The following ERICH6B variants were observed in gnomAD, a reference collection of about 807,000 sequenced individuals.
ERICH6B encodes the protein glutamate-rich protein 6B.
A neutral mutation model predicts 80.0 loss-of-function variants in ERICH6B; 69 were observed. The ratio of observed to expected loss-of-function variants is 0.86; its 90% CI spans 0.71 to 1.05. The LOEUF (loss-of-function observed/expected upper bound fraction) is 1.05, where lower values mean the gene tolerates loss of function less well. Among genes scored for constraint, ERICH6B ranks in the 50% least tolerant of loss-of-function variants. The probability of loss-of-function intolerance (pLI) is 0.00; values close to 1 mark genes in which losing one functional copy is unlikely to be tolerated. For synonymous variants in ERICH6B, 283 were observed against 291.9 expected (o/e 0.97, Z 0.31); for missense variants, 754 against 796.1 (o/e 0.95, Z 0.64).
At chr13:45,562,327 C>T (rs1446221729) in intron 10 of ERICH6B, among the ~76,000 whole-genome samples, 1 of 152,214 alleles carries the variant, frequency 6.6e-6, no homozygotes, top group East Asian at 1.9e-4. Context: ...CATGAGGCAC[C>T]ACACCTGGCT....
intron 9 of ERICH6B, among the ~76,000 whole-genome samples, chr13:45,567,916 C>G (rs536005660): frequency 4.6e-5 from 7 of 152,322 alleles, no homozygotes; most frequent in African/African-American, 1.7e-4. Context: ...TGGGCAGATG[C>G]CCCAGGTCTT....
intron 1 of ERICH6B, among the ~76,000 whole-genome samples, chr13:45,611,276 T>C (rs919550357): frequency 4.6e-5 from 7 of 152,192 alleles, no homozygotes; most frequent in Non-Finnish European, 8.8e-5. Context: ...AAAGCGGCAG[T>C]AGGAACAGGT....
chr13:45,589,794 T>C (rs1489223057), intron 4 of ERICH6B, among the ~76,000 whole-genome samples: 1 of 152,186 alleles, frequency 6.6e-6, no homozygotes, highest in Non-Finnish European at 1.5e-5. Context: ...GCCTTTGGAA[T>C]GCCACTCCCT....
At chr13:45,553,633 T>G (rs1471319722) in intron 11 of ERICH6B, among the ~76,000 whole-genome samples, 1 of 152,184 alleles carries the variant, frequency 6.6e-6, no homozygotes, top group Non-Finnish European at 1.5e-5. Flanking sequence ...CTATCATTAA[T>G]TCCTGTTTAA....
intron 4 of ERICH6B, among the ~76,000 whole-genome samples, chr13:45,587,881 T>G (rs550566282): frequency 6.6e-6 from 1 of 152,314 alleles, no homozygotes; most frequent in South Asian, 2.1e-4. Flanking sequence ...TGGGGTGTCT[T>G]GGCCCTGGAG....
At position 45,559,694 on chromosome 13, in the gene ERICH6B, T is replaced by C. The variant is rs574182159; in HGVS notation, c.1407+1675A>G. Among the ~76,000 whole-genome samples the C allele has an allele frequency of 3.3e-5, 5 of 152,302 alleles. No individual in the cohort carries two copies. In the East Asian group the frequency reaches 9.6e-4, roughly 29 times the overall value. The stretch of plus-strand genomic sequence containing the variant: ...GCAGGTTATTTAATTTCCATATATT[T>C]GCATGGTTTTGAGTATTCCTTTTGG... On this transcript the variant is annotated intron_variant, in intron 11 of 14. Transcript: ENST00000298738.
At chr13:45,554,463 C>T (rs766626970) in intron 11 of ERICH6B, among the ~76,000 whole-genome samples, 6 of 152,230 alleles carry the variant, frequency 3.9e-5, no homozygotes, top group Admixed American at 6.5e-5. Context: ...TCATGGGTAG[C>T]GGGTATTTGT....
chr13:45,605,293 G>T (rs1275459692), intron 2 of ERICH6B, among the ~76,000 whole-genome samples: 1 of 152,200 alleles, frequency 6.6e-6, no homozygotes, highest in African/African-American at 2.4e-5. Flanking sequence ...ACATGGACTG[G>T]GCTGTAATTT....
intron 14 of ERICH6B, among the ~76,000 whole-genome samples, chr13:45,544,379 C>A (rs977282057): frequency 6.6e-6 from 1 of 152,050 alleles, no homozygotes; most frequent in Non-Finnish European, 1.5e-5. Context: ...CTGGCCTACA[C>A]CCAGTTAATT....
intron 4 of ERICH6B, among the ~76,000 whole-genome samples, chr13:45,589,914 C>T (rs1228011332): frequency 6.6e-6 from 1 of 152,172 alleles, no homozygotes; most frequent in Non-Finnish European, 1.5e-5. Context: ...GGGGCTGCCT[C>T]GCCGGGTCAA....
intron 2 of ERICH6B, among the ~76,000 whole-genome samples, chr13:45,602,193 G>A (rs184121093): frequency 2.1e-4 from 32 of 152,278 alleles, no homozygotes; most frequent in Admixed American, 1.3e-3. Flanking sequence ...GAGAAATGAT[G>A]GTTCTGGGGC....
chr13:45,599,705 A>C (rs552580862), intron 2 of ERICH6B, among the ~76,000 whole-genome samples: 3 of 152,192 alleles, frequency 2.0e-5, no homozygotes, highest in Non-Finnish European at 4.4e-5. Flanking sequence ...GTTTGATTAT[A>C]TGGCACTTAG....
At position 45,544,812 on chromosome 13, in the gene ERICH6B, C is replaced by G; in HGVS notation, c.1820G>C (p.Cys607Ser). 1 of 1,551,678 alleles carries G rather than the reference C, an allele frequency of 6.4e-7. No homozygotes were observed. The highest frequency in any genetic ancestry group is 1.4e-5 in the African/African-American group (1 of 73,148). The change falls in exon 14 of 15, where the codon TGC (cysteine) becomes TCC (serine). Residue 607 changes from cysteine (C) to serine (S), a missense_variant. By Grantham distance (112) the Cys-to-Ser change is moderately radical. Transcript: ENST00000298738. ...QIRSQDKIIF[C>S]FTYEQKQICL... ...AATCTGCTTCTGTTCATAGGTGAAGCAGAAGATGATCTTATCCTGGCTCCT... is the reference window on the plus strand; with the variant it reads ...AATCTGCTTCTGTTCATAGGTGAAGGAGAAGATGATCTTATCCTGGCTCCT...
rs117093265 is a variant in ERICH6B at position 45,581,049 on chromosome 13, T to G, written c.857-384A>C. ...AGAACCAAGTGGCTCCAAGGCCATG[T>G]AGACACACAATGCGGTGTGCCTGTC... On this transcript the variant is annotated intron_variant, in intron 5 of 14. Coordinates refer to ENST00000298738, the MANE Select transcript of ERICH6B (RefSeq NM_182542.3). 8.8e-3 allele frequency among the ~76,000 whole-genome samples: 1,337 copies of G among 152,302 alleles called. 28 individuals carry two copies. Among genetic ancestry groups the G allele is most frequent in the Admixed American group, 0.045 (692 of 15,306 alleles).
intron 13 of ERICH6B, among the ~76,000 whole-genome samples, chr13:45,548,932 T>C (rs1007409082): frequency 6.6e-6 from 1 of 152,210 alleles, no homozygotes; most frequent in Non-Finnish European, 1.5e-5. Flanking sequence ...AATCCTTTTT[T>C]GGAACTATGT....
At position 45,574,424 on chromosome 13, in the gene ERICH6B, C is replaced by G. The variant is rs374127286; in HGVS notation, c.1050+418G>C. ...AAACCATGATGACTCCCCATCTCAT[C>G]TCCCCTCTGGTGATTGGGAACAGCT... On this transcript the variant is annotated intron_variant, in intron 8 of 14. Transcript: ENST00000298738. 3.3e-5 allele frequency among the ~76,000 whole-genome samples: 5 copies of G among 152,334 alleles called. No individual in the cohort carries two copies. The East Asian group carries it at 5.8e-4, about 18-fold the overall frequency.
At chr13:45,580,835 C>T (rs1276522390) in intron 5 of ERICH6B, among the ~76,000 whole-genome samples, 170 bp from the exon 6 acceptor site, 2 of 152,164 alleles carry the variant, frequency 1.3e-5, no homozygotes, top group African/African-American at 4.8e-5. Context: ...TGCCCCACTG[C>T]ACCCCACCCT....
intron 2 of ERICH6B, among the ~76,000 whole-genome samples, chr13:45,600,746 G>T (rs780515643): frequency 3.3e-5 from 5 of 152,250 alleles, no homozygotes; most frequent in Admixed American, 6.5e-5. Flanking sequence ...TTGATCATCC[G>T]TTGGTGGACA....
chr13:45,606,776 G>A (rs1289925125), intron 2 of ERICH6B, among the ~76,000 whole-genome samples: 10 of 151,248 alleles, frequency 6.6e-5, no homozygotes, highest in Non-Finnish European at 1.3e-4. Flanking sequence ...CTGGTCTCGA[G>A]CTCCTGACCT....
Sources: gnomAD v4.1 joint callset for allele counts (sites outside exome capture counted in the v4.1 genomes callset) on GRCh38, gnomAD v4.1.1 for gene constraint, MANE v1.5 for transcripts, NCBI Gene and HGNC (gene_info 2026-07-23, HGNC 2026-07-21) for gene names.